ZNF444: variants seen among roughly 807,000 people sequenced by gnomAD.
The protein encoded by ZNF444 is zinc finger protein 444.
Under a neutral mutation model 14.4 loss-of-function variants are expected in ZNF444, and 8 were observed. The ratio of observed to expected loss-of-function variants is 0.56; its 90% confidence interval spans 0.33 to 1.00. The LOEUF is 1.00. Ranked by LOEUF, ZNF444 falls within the 50% of genes least tolerant of loss-of-function variation. The pLI, the probability that ZNF444 is intolerant of heterozygous loss-of-function variation, is 0.03. For missense variants in ZNF444, 510 were observed against 504.8 expected (o/e 1.01, Z -0.10); for synonymous variants, 258 against 235.9 (o/e 1.09, Z -0.86).
chr19:56,135,524 A>C (rs1263434680), intron 1 of ZNF444, among the ~76,000 whole-genome samples: 1 of 151,890 alleles, frequency 6.6e-6, no homozygotes, highest in Admixed American at 6.6e-5. Context: ...CTTCCATCCT[A>C]AGTGAGGAGC....
chr19:56,154,166 T>G (rs865916715), intron 3 of ZNF444: 1 of 152,314 alleles, frequency 6.6e-6, no homozygotes, highest in Middle Eastern at 3.4e-3. Context: ...ATGCTCATGA[T>G]GTAGTGGCAG....
rs751407962 is a variant in ZNF444 at position 56,160,122 on chromosome 19, G to T, written c.905G>T (p.Arg302Leu). The stretch of plus-strand genomic sequence containing the variant: ...CTGCGCCACCAGCGCATCCACGGCC[G>T]GGCAGCGGCCAGCGCGCAGGGGGCG... ...HVLRHQRIHG[R>L]AAASAQGAVA... The change falls in exon 5 of 5, where the codon CGG becomes CTG. Residue 302 changes from arginine (R) to leucine (L), a missense_variant. Physicochemically the swap from Arg to Leu is moderately radical, Grantham distance 102. Coordinates refer to ENST00000337080, the MANE Select transcript of ZNF444 (RefSeq NM_018337.4). The T allele has an allele frequency of 1.4e-5, 21 of 1,486,162 alleles. No individual in the cohort carries two copies. In the South Asian group the frequency reaches 2.7e-4, roughly 19 times the overall value. The allele number at this position is 1,486,162 out of a possible 1,614,324, so 92.1% of individuals were successfully genotyped here.
Position 56,147,238 on chromosome 19 carries a change from G to A in ZNF444, c.297+30G>A. 1.4e-6 allele frequency: 2 copies of A among 1,403,610 alleles called. No individual in the cohort carries two copies. Among genetic ancestry groups the A allele is most frequent in the Non-Finnish European group, 1.8e-6 (2 of 1,084,544 alleles). The allele number at this position is 1,403,610 out of a possible 1,614,324, so 86.9% of individuals were successfully genotyped here. ...GCCTGGCGGGACTGCAAGCGGGGAA[G>A]GGAGAGGGGAAGGTGCCAGGGAAGC... On this transcript the variant is annotated intron_variant, in intron 3 of 4. Transcript: ENST00000337080. This position sits in a 1 kb window ranked among gnomAD's most constrained non-coding sequence, Gnocchi z 5.9.
At chr19:56,142,494 G>A (rs1031787636) in intron 1 of ZNF444, 1 of 152,200 alleles carries the variant, frequency 6.6e-6, no homozygotes, top group Non-Finnish European at 1.5e-5. Context: ...TCCAACTTGG[G>A]AAGTGCTACT....
rs1305883072 is a variant in ZNF444 at position 56,160,703 on chromosome 19, G to A, written c.*502G>A. The A allele has an allele frequency of 6.5e-6, 1 of 154,956 alleles. No individual in the cohort carries two copies. The highest frequency in any genetic ancestry group is 1.4e-5 in the Non-Finnish European group (1 of 70,070). The allele number at this position is 154,956 out of a possible 1,614,324, so 9.6% of individuals were successfully genotyped here. ...GGAATTCTCCTCCCTCAGGAGATTG[G>A]GGGTTGGGGGAGGCAGCGGGTGATG... On this transcript the variant is annotated 3_prime_UTR_variant, in exon 5 of 5. Coordinates refer to ENST00000337080, the MANE Select transcript of ZNF444 (RefSeq NM_018337.4).
intron 3 of ZNF444, among the ~76,000 whole-genome samples, chr19:56,148,664 T>G (rs1169054676): frequency 6.6e-6 from 1 of 152,172 alleles, no homozygotes; most frequent in Non-Finnish European, 1.5e-5. Flanking sequence ...TGGCTCTGGC[T>G]TCTCTATCCT....
At chr19:56,140,615 C>G (rs892783843), upstream of ZNF444, among the ~76,000 whole-genome samples, 1 of 152,176 alleles carries the variant, frequency 6.6e-6, no homozygotes, top group Non-Finnish European at 1.5e-5. Flanking sequence ...AACAGGAGGG[C>G]AGCCTGCTCA....
chr19:56,159,572 C>G (rs538347190), intron 4 of ZNF444, 52 bp from the exon 5 acceptor site: 79 of 1,403,438 alleles, frequency 5.6e-5, no homozygotes, highest in Admixed American at 8.9e-5. Context: ...CCTGTGCTGT[C>G]CTTGCCCCGC....
Position 56,158,508 on chromosome 19 carries a change from C to T in ZNF444, c.312C>T (p.Ser104=), listed in dbSNP as rs146590471. ...LLEELWGPAA[S]PDGSSATRVP... is the part of the protein sequence containing the mutation. The stretch of plus-strand genomic sequence containing the variant: ...TCTCATTTCAGGGGCCAGCAGCCTC[C>T]CCCGATGGGTCGTCAGCAACGAGGG... Residue 104 remains serine, a synonymous_variant, in exon 4 of 5, where the codon TCC becomes TCT. Coordinates refer to ENST00000337080, the MANE Select transcript of ZNF444 (RefSeq NM_018337.4). The T allele has an allele frequency of 2.1e-5, 33 of 1,609,654 alleles. No homozygotes were observed. Among genetic ancestry groups the T allele is most frequent in the Non-Finnish European group, 2.7e-5 (32 of 1,178,046 alleles).
chr19:56,134,932 TA>T (rs201887007), intron 1 of ZNF444, among the ~76,000 whole-genome samples: 61 of 145,478 alleles, frequency 4.2e-4, no homozygotes, highest in Non-Finnish European at 3.8e-4. Context: ...CTTATTTCTT[TA>T]AAAAAAAAAA....
At chr19:56,148,499 CT>C (rs893334214) in intron 3 of ZNF444, among the ~76,000 whole-genome samples, 19 of 152,250 alleles carry the variant, frequency 1.2e-4, no homozygotes, top group African/African-American at 4.6e-4. Flanking sequence ...GGCGGCCTTC[CT>C]TCCTTCCAGA....
In ZNF444 at chr19:56,159,870, G is replaced by T; in HGVS notation, c.653G>T (p.Arg218Leu). 3 of 1,535,908 alleles carry T rather than the reference G, an allele frequency of 2.0e-6. No homozygotes were observed. Among genetic ancestry groups the T allele is most frequent in the Non-Finnish European group, 2.6e-6 (3 of 1,146,956 alleles). ...ACPECGKAFR[R>L]KEHLRRHRDT... ...CCTGAGTGCGGGAAGGCCTTTCGGC[G>T]CAAGGAGCACCTGCGGCGCCACCGC... The change falls in exon 5 of 5, where the codon CGC (arginine) becomes CTC (leucine). Residue 218 changes from arginine (R) to leucine (L), a missense_variant. Arg to Leu is a moderately radical substitution (Grantham distance 102). Transcript: ENST00000337080.
intron 4 of ZNF444, among the ~76,000 whole-genome samples, chr19:56,159,403 C>T: frequency 6.6e-6 from 1 of 152,158 alleles, no homozygotes; most frequent in Non-Finnish European, 1.5e-5. Context: ...ACCCATCCAT[C>T]ATCCAGCCAG....
rs563622603 is a variant in ZNF444, at chr19:56,146,773, C to T, written c.-22-117C>T. The T allele has an allele frequency of 3.6e-5, 31 of 864,160 alleles. No individual in the cohort carries two copies. In the East Asian group the frequency reaches 3.8e-4, roughly 11 times the overall value. The allele number at this position is 864,160 out of a possible 1,614,324, so 53.5% of individuals were successfully genotyped here. On this transcript the variant is annotated intron_variant, in intron 2 of 4. Transcript: ENST00000337080. ...CTGCACTCCAACCTGGGGGAAAGAG[C>T]GAAACTCCGTCTCAAAAAATAAAAA...
chr19:56,153,170 G>A (rs901476), intron 3 of ZNF444, among the ~76,000 whole-genome samples: 16,487 of 152,106 alleles, frequency 0.11, 1,311 homozygotes, highest in East Asian at 0.42. Context: ...GGGGACATTT[G>A]GGAATCACAG....
chr19:56,139,489 C>G (rs2030691984), upstream of ZNF444, among the ~76,000 whole-genome samples: 1 of 151,986 alleles, frequency 6.6e-6, no homozygotes, highest in Non-Finnish European at 1.5e-5. Flanking sequence ...GAGTTCGAGA[C>G]CAGCCTGGCC....
chr19:56,158,753 T>G (rs769822200), intron 4 of ZNF444, 151 bp downstream of exon 4: 23 of 652,478 alleles, frequency 3.5e-5, no homozygotes, highest in Non-Finnish European at 5.6e-5. Flanking sequence ...GGGGCGGGCA[T>G]TGGGGGTATG....
At chr19:56,134,908 G>A (rs2030576516) in intron 1 of ZNF444, among the ~76,000 whole-genome samples, 1 of 152,000 alleles carries the variant, frequency 6.6e-6, no homozygotes, top group Admixed American at 6.6e-5. Context: ...CGTGAGGCCA[G>A]GAGTTTGTGA....
At chr19:56,134,814 A>G (rs1205121638) in intron 1 of ZNF444, among the ~76,000 whole-genome samples, 1 of 139,436 alleles carries the variant, frequency 7.2e-6, no homozygotes, top group Non-Finnish European at 1.5e-5. Context: ...CCCTGTGTTT[A>G]AAAAAAAAAA....
Sources: allele counts gnomAD v4.1 joint callset (sites outside exome capture counted in the v4.1 genomes callset), GRCh38; gene constraint gnomAD v4.1.1; non-coding constraint Gnocchi (gnomAD v3.1); transcripts MANE v1.5; gene names NCBI Gene and HGNC (gene_info 2026-07-23, HGNC 2026-07-21).